The following THAP2 variants were observed in gnomAD, a reference collection of about 807,000 sequenced individuals.
THAP2 encodes the protein THAP domain containing 2.
THAP2 carries 16 observed loss-of-function variants against 18.8 expected under a neutral mutation model. The ratio of observed to expected loss-of-function variants is 0.85; its 90% confidence interval spans 0.58 to 1.29. The LOEUF (loss-of-function observed/expected upper bound fraction) is 1.29. Among genes scored for constraint, THAP2 ranks in the 50% most tolerant of loss-of-function variants. The pLI, the probability that THAP2 is intolerant of heterozygous loss-of-function variation, is 0.00. For missense variants in THAP2, 251 were observed against 265.3 expected (o/e 0.95, Z 0.38); for synonymous variants, 80 against 89.2 (o/e 0.90, Z 0.58).
chr12:71,670,323 A>G (rs150773559), intron 1 of THAP2, among the ~76,000 whole-genome samples: 19 of 152,328 alleles, frequency 1.2e-4, no homozygotes, highest in African/African-American at 3.8e-4. Context: ...TTTTACACAA[A>G]CTTACTACAT....
At position 71,676,779 on chromosome 12, in the gene THAP2, G is replaced by A. The variant is rs1297962729; in HGVS notation, c.358G>A (p.Val120Ile). The A allele has an allele frequency of 6.2e-7, 1 of 1,613,220 alleles. No homozygotes were observed. Among genetic ancestry groups the A allele is most frequent in the East Asian group, 2.2e-5 (1 of 44,858 alleles). Residue 120 changes from valine (V) to isoleucine (I), a missense_variant, in exon 3 of 3, where the codon GTA becomes ATA. By Grantham distance (29) the Val-to-Ile change is conservative. Coordinates refer to ENST00000308086, the MANE Select transcript of THAP2 (RefSeq NM_031435.4). ...AAAATCAAACATTAGTAGTCAGCAA[G>A]TACTACTTGAACACAGCTATGCCTT... is the stretch of plus-strand genomic sequence containing the variant. The part of the protein sequence containing the change: ...NLKSNISSQQ[V>I]LLEHSYAFRN...
At chr12:71,666,448 G>T (rs2137575677) in intron 1 of THAP2, among the ~76,000 whole-genome samples, 1 of 152,170 alleles carries the variant, frequency 6.6e-6, no homozygotes, top group East Asian at 1.9e-4. Context: ...GGGAAGTTAA[G>T]GCTGCACTGA....
intron 1 of THAP2, among the ~76,000 whole-genome samples, chr12:71,670,316 T>G (rs989876023): frequency 3.3e-5 from 5 of 152,236 alleles, no homozygotes; most frequent in Non-Finnish European, 7.3e-5. Context: ...TAAAGAGTTT[T>G]ACACAAACTT....
Position 71,664,533 on chromosome 12 carries a change from G to A in THAP2, c.24G>A (p.Ala8=), listed in dbSNP as rs143741457. The A allele has an allele frequency of 1.1e-5, 17 of 1,614,160 alleles. No homozygotes were observed. Among genetic ancestry groups the A allele is most frequent in the African/African-American group, 9.3e-5 (7 of 75,034 alleles). The change falls in exon 1 of 3, where the codon GCG becomes GCA. Residue 8 remains alanine, a synonymous_variant. Transcript: ENST00000308086. The part of the protein sequence containing the change: MPTNCAA[A]GCATTYNKHI... ...AAATGCCGACCAATTGCGCTGCGGC[G>A]GGCTGTGCCACTACCTACAACAAGC...
intron 1 of THAP2, among the ~76,000 whole-genome samples, chr12:71,668,258 C>T (rs1354797720): frequency 1.3e-5 from 2 of 152,204 alleles, no homozygotes; most frequent in African/African-American, 4.8e-5. Flanking sequence ...CCTGACTAGA[C>T]TAGCTCTTCC....
At chr12:71,671,622 T>C (rs78835549) in intron 1 of THAP2, among the ~76,000 whole-genome samples, 2,577 of 152,346 alleles carry the variant, frequency 0.017, 70 homozygotes, top group African/African-American at 0.058. Context: ...GTTTTGGGCT[T>C]GGTTTCTTTC....
intron 1 of THAP2, chr12:71,668,052 T>C (rs1198544910): frequency 6.6e-6 from 1 of 152,254 alleles, no homozygotes; most frequent in Non-Finnish European, 1.5e-5. Flanking sequence ...CTGTTAACAA[T>C]CAGCTCCCAC....
At chr12:71,664,847 T>C (rs774399817) in intron 1 of THAP2, 4 of 702,850 alleles carry the variant, frequency 5.7e-6, no homozygotes, top group Non-Finnish European at 1.0e-5. Flanking sequence ...CGTAATTTTC[T>C]ACTGTTTTAT....
At position 71,679,951 on chromosome 12, in the gene THAP2, T is replaced by C. The variant is rs1043829959; in HGVS notation, c.*2843T>C. 1 of 152,204 alleles carries C rather than the reference T, an allele frequency of 6.6e-6. No homozygotes were observed. The highest frequency in any genetic ancestry group is 2.4e-5 in the African/African-American group (1 of 41,464). 9.4% of individuals were successfully genotyped at this position (152,204 alleles called of 1,614,324 possible). Reference sequence around the variant, plus strand: ...AACAAATGTGTTAATGGTATCTTTGTTAAAAGGAAAACATAGCTATAAATA... The same window carrying C: ...AACAAATGTGTTAATGGTATCTTTGCTAAAAGGAAAACATAGCTATAAATA... On this transcript the variant is annotated 3_prime_UTR_variant, in exon 3 of 3. Transcript: ENST00000308086.
intron 1 of THAP2, among the ~76,000 whole-genome samples, chr12:71,666,891 C>G (rs2137575988): frequency 6.6e-6 from 1 of 152,198 alleles, no homozygotes; most frequent in African/African-American, 2.4e-5. Flanking sequence ...TGCCCACATG[C>G]CTGGCTAATT....
At position 71,676,848 on chromosome 12, in the gene THAP2, A is replaced by C; in HGVS notation, c.427A>C (p.Lys143Gln). The part of the protein sequence containing the change: ...EAKKRIIKLE[K>Q]EIASLRRKMK... ...AAAAAAGAGGATCATTAAACTGGAA[A>C]AAGAAATAGCAAGCTTAAGAAGAAA... The change falls in exon 3 of 3, where the codon AAA becomes CAA. Residue 143 changes from lysine to glutamine, a missense_variant. Lys to Gln is a moderately conservative substitution (Grantham distance 53). Coordinates refer to ENST00000308086, the MANE Select transcript of THAP2 (RefSeq NM_031435.4). The C allele has an allele frequency of 6.2e-7, 1 of 1,613,716 alleles. No individual in the cohort carries two copies. The highest frequency in any genetic ancestry group is 8.5e-7 in the Non-Finnish European group (1 of 1,179,700).
Position 71,676,908 on chromosome 12 carries a change from A to G in THAP2, c.487A>G (p.Thr163Ala). Residue 163 changes from threonine (T) to alanine (A), a missense_variant, in exon 3 of 3, where the codon ACT (threonine) becomes GCT (alanine). By Grantham distance (58) the Thr-to-Ala change is moderately conservative (BLOSUM62 0). Transcript: ENST00000308086. ...TTGCCTACAAAAGGAACGCAGAGCA[A>G]CTCGAAGATGGATCAAAGCCACGTG... ...KTCLQKERRA[T>A]RRWIKATCLV... 6.2e-7 allele frequency: 1 copy of G among 1,613,788 alleles called. No individual in the cohort carries two copies. Among genetic ancestry groups the G allele is most frequent in the African/African-American group, 1.3e-5 (1 of 75,036 alleles).
chr12:71,678,588 C>T lies in THAP2; in HGVS notation c.*1480C>T, dbSNP rs1881555812. On this transcript the variant is annotated 3_prime_UTR_variant, in exon 3 of 3. Transcript: ENST00000308086. ...ACTTATTTAATTCAAGCTTGTGATACTAACATACAAAGGTAGCATAAACCA... is the reference window on the plus strand; with the variant it reads ...ACTTATTTAATTCAAGCTTGTGATATTAACATACAAAGGTAGCATAAACCA... The T allele has an allele frequency of 6.6e-6, 1 of 152,148 alleles. No individual in the cohort carries two copies. Among genetic ancestry groups the T allele is most frequent in the African/African-American group, 2.4e-5 (1 of 41,432 alleles). 9.4% of individuals were successfully genotyped at this position (152,148 alleles called of 1,614,324 possible). A position where few individuals can be genotyped will look rare whatever the true frequency, so the allele number is the denominator to read the frequency against.
intron 1 of THAP2, among the ~76,000 whole-genome samples, chr12:71,668,290 C>T (rs535287393): frequency 4.5e-4 from 68 of 152,124 alleles, no homozygotes; most frequent in Non-Finnish European, 9.1e-4. Context: ...TCCACACAAC[C>T]CTGTACTTAT....
At chr12:71,667,789 C>T (rs1881367805) in intron 1 of THAP2, 1 of 152,064 alleles carries the variant, frequency 6.6e-6, no homozygotes, top group Non-Finnish European at 1.5e-5. Flanking sequence ...ATACTACTAC[C>T]AAGTCTAGTT....
intron 1 of THAP2, among the ~76,000 whole-genome samples, chr12:71,669,341 C>CT (rs1256004954): frequency 1.3e-5 from 2 of 152,164 alleles, no homozygotes; most frequent in African/African-American, 4.8e-5. Flanking sequence ...ATTTGGTCAA[C>CT]TTAAGATTTG....
chr12:71,677,834 C>T lies in THAP2; in HGVS notation c.*726C>T, dbSNP rs1222982620. On this transcript the variant is annotated 3_prime_UTR_variant, in exon 3 of 3. Transcript: ENST00000308086. ...AAATAATTCAGAGTTCAGGACCTAG[C>T]TTAGATAAATGTATACTACTCTTTT... is the stretch of plus-strand genomic sequence containing the variant. The T allele has an allele frequency of 5.9e-5, 9 of 152,046 alleles. No homozygotes were observed. Among genetic ancestry groups the T allele is most frequent in the African/African-American group, 2.2e-4 (9 of 41,408 alleles). The allele number at this position is 152,046 out of a possible 1,614,324, so 9.4% of individuals were successfully genotyped here. A position where few individuals can be genotyped will look rare whatever the true frequency, so the allele number is the denominator to read the frequency against.
At position 71,664,451 on chromosome 12, in the gene THAP2, A is replaced by G. The variant is rs1881287616; in HGVS notation, c.-59A>G. The stretch of plus-strand genomic sequence containing the variant: ...GATTGTCCAGCCTCTGCCAGAAGAA[A>G]GCTTAGCAGCCAGCGCCTCAGTAGA... On this transcript the variant is annotated 5_prime_UTR_variant, in exon 1 of 3. Transcript: ENST00000308086. 2 of 1,598,164 alleles carry G rather than the reference A, an allele frequency of 1.3e-6. No individual in the cohort carries two copies. The highest frequency in any genetic ancestry group is 1.7e-5 in the Admixed American group (1 of 59,902).
At chr12:71,665,122 A>G in intron 1 of THAP2, 1 of 579,098 alleles carries the variant, frequency 1.7e-6, no homozygotes, top group Non-Finnish European at 3.1e-6. Context: ...GAATAGAGTA[A>G]TAAAAAGAAC....
Sources: allele counts gnomAD v4.1 joint callset (sites outside exome capture counted in the v4.1 genomes callset), GRCh38; gene constraint gnomAD v4.1.1; transcripts MANE v1.5; gene names NCBI Gene and HGNC (gene_info 2026-07-23, HGNC 2026-07-21).